Variants in CACNB4 observed in about 807,000 individuals in gnomAD.
The protein encoded by CACNB4 is calcium voltage-gated channel auxiliary subunit beta 4, also known as voltage-dependent L-type calcium channel subunit beta-4.
In CACNB4, 32 loss-of-function variants were observed where a neutral mutation model predicts 71.2. The ratio of observed to expected loss-of-function variants is 0.45; its 90% confidence interval spans 0.34 to 0.60. CACNB4 has a LOEUF of 0.60. Ranked by LOEUF, CACNB4 falls within the 20% of genes least tolerant of loss-of-function variation. CACNB4 has a pLI of 0.01. For synonymous variants in CACNB4, 231 were observed against 236.9 expected (o/e 0.97, Z 0.23); for missense variants, 464 against 647.9 (o/e 0.72, Z 3.08).
At chr2:151,956,370 ATG>A (rs2099868256) in intron 2 of CACNB4, among the ~76,000 whole-genome samples, 1 of 152,244 alleles carries the variant, frequency 6.6e-6, no homozygotes, top group Non-Finnish European at 1.5e-5. Context: ...ATACAAAGAA[ATG>A]AAATGCTGAT....
intron 2 of CACNB4, among the ~76,000 whole-genome samples, chr2:151,923,825 G>T (rs2099859545): frequency 6.6e-6 from 1 of 152,152 alleles, no homozygotes; most frequent in African/African-American, 2.4e-5. Flanking sequence ...AAATGTGGAA[G>T]ACTGGGAAAT....
At chr2:151,985,020 T>C (rs1330552726) in intron 2 of CACNB4, among the ~76,000 whole-genome samples, 1 of 152,210 alleles carries the variant, frequency 6.6e-6, no homozygotes, top group Non-Finnish European at 1.5e-5. Flanking sequence ...CAGCCAATTC[T>C]TCCACAAAAT....
intron 2 of CACNB4, among the ~76,000 whole-genome samples, chr2:152,035,569 TTCTC>T (rs367670764): frequency 1.0e-3 from 78 of 77,872 alleles, no homozygotes; most frequent in Middle Eastern, 0.019. Context: ...CTCTCTCTCT[TTCTC>T]TCTCTCTCTC....
intron 12 of CACNB4, chr2:151,851,874 T>C (rs954437474): frequency 3.9e-5 from 6 of 152,212 alleles, no homozygotes; most frequent in Non-Finnish European, 8.8e-5. Flanking sequence ...AAAGATTATC[T>C]TCCTTCAACT....
At position 151,867,361 on chromosome 2, in the gene CACNB4, A is replaced by T. The variant is rs574928632; in HGVS notation, c.758+1816T>A. On this transcript the variant is annotated intron_variant, in intron 9 of 13. Transcript: ENST00000539935. ...ACCAGCCCTATTAAGTTACAAAGTC[A>T]GAGTTCAGCTATTTTTTTGCAATGC... The T allele has an allele frequency of 2.0e-5, 3 of 152,370 alleles. No individual in the cohort carries two copies. The South Asian group carries it at 6.2e-4, about 32-fold the overall frequency. 9.4% of individuals were successfully genotyped at this position (152,370 alleles called of 1,614,324 possible).
At position 151,874,323 on chromosome 2, in the gene CACNB4, C is replaced by T. The variant is rs142112862; in HGVS notation, c.522-1830G>A. Among the ~76,000 whole-genome samples the T allele has an allele frequency of 3.3e-4, 50 of 152,068 alleles. No homozygotes were observed. In the East Asian group the frequency reaches 8.7e-3, roughly 27 times the overall value. ...CCTCTACCAAAAATACAAAAATTAG[C>T]CAGGCACGATGGTGCGTGCCTGTAA... On this transcript the variant is annotated intron_variant, in intron 5 of 13. Transcript: ENST00000539935.
rs116198962 is a variant in CACNB4 at position 151,842,487 on chromosome 2, C to T, written c.1117-399G>A. Among the ~76,000 whole-genome samples the T allele has an allele frequency of 7.1e-3, 1,086 of 151,894 alleles. 9 individuals are homozygous for T. The highest frequency in any genetic ancestry group is 0.025 in the African/African-American group (1,023 of 41,422). The stretch of plus-strand genomic sequence containing the variant: ...CTGGGATTACAGGCGCCTGCCACTG[C>T]GTCCAGCTAATTTTTTTGTATTTTT... On this transcript the variant is annotated intron_variant, in intron 12 of 13. Transcript: ENST00000539935.
chr2:151,843,490 A>G (rs940337111), intron 12 of CACNB4, among the ~76,000 whole-genome samples: 1 of 151,630 alleles, frequency 6.6e-6, no homozygotes, highest in South Asian at 2.1e-4. Context: ...AACTTTTTTA[A>G]CTTTTTGTAG....
At chr2:152,014,717 C>T (rs1167971615) in intron 2 of CACNB4, among the ~76,000 whole-genome samples, 3 of 147,902 alleles carry the variant, frequency 2.0e-5, no homozygotes, top group Admixed American at 6.7e-5. Context: ...GGTGACAGAG[C>T]GCAACTCTGT....
intron 2 of CACNB4, among the ~76,000 whole-genome samples, chr2:152,004,566 CACAT>C (rs879765088): frequency 2.1e-3 from 297 of 139,204 alleles, no homozygotes; most frequent in Middle Eastern, 3.7e-3. Context: ...CACACACACA[CACAT>C]GCTAACAACC....
In CACNB4 at chr2:152,028,234, G is replaced by T. The variant is rs144500725; in HGVS notation, c.147+70096C>A. On this transcript the variant is annotated intron_variant, in intron 2 of 13. Transcript: ENST00000539935. ...GATGGATACTGAACCAAAGGGTTGT[G>T]GATTTGTTCATGATTACTGCCATCT... Among the ~76,000 whole-genome samples, 993 of 152,252 alleles carry T rather than the reference G, an allele frequency of 6.5e-3. 4 individuals carry two copies. The highest frequency in any genetic ancestry group is 0.01 in the Non-Finnish European group (706 of 68,036).
intron 2 of CACNB4, among the ~76,000 whole-genome samples, chr2:152,041,855 G>C (rs1052896440): frequency 6.6e-6 from 1 of 152,342 alleles, no homozygotes; most frequent in African/African-American, 2.4e-5. Flanking sequence ...AGAAGACCCT[G>C]CGTGAGCACT....
chr2:151,909,384 C>T (rs1324942127), intron 2 of CACNB4, among the ~76,000 whole-genome samples: 1 of 149,478 alleles, frequency 6.7e-6, no homozygotes, highest in Non-Finnish European at 1.5e-5. Flanking sequence ...TGCAGTGAGC[C>T]GAGATCATGC....
At chr2:151,846,704 C>T (rs2099837682) in intron 12 of CACNB4, among the ~76,000 whole-genome samples, 1 of 151,990 alleles carries the variant, frequency 6.6e-6, no homozygotes, top group African/African-American at 2.4e-5. Context: ...AGATATGCAC[C>T]ACCACATCCA....
At chr2:152,041,367 T>C (rs953801341) in intron 2 of CACNB4, among the ~76,000 whole-genome samples, 1 of 152,148 alleles carries the variant, frequency 6.6e-6, no homozygotes, top group Non-Finnish European at 1.5e-5. Context: ...TCAGTACTTA[T>C]GGGAAACATT....
chr2:151,928,335 G>C (rs1369179152), intron 2 of CACNB4, among the ~76,000 whole-genome samples: 1 of 152,152 alleles, frequency 6.6e-6, no homozygotes, highest in Non-Finnish European at 1.5e-5. Context: ...GTAGATACCT[G>C]AATACTAAAT....
At chr2:151,971,650 C>T in intron 2 of CACNB4, 1 of 702,558 alleles carries the variant, frequency 1.4e-6, no homozygotes, top group Non-Finnish European at 2.6e-6. Flanking sequence ...TAGTCTTCTC[C>T]ATTGGCTTGA....
chr2:152,020,671 A>G (rs1321329442), intron 2 of CACNB4, among the ~76,000 whole-genome samples: 2 of 152,184 alleles, frequency 1.3e-5, no homozygotes, highest in African/African-American at 4.8e-5. Context: ...GAGGACAGGG[A>G]AAGACTGAAG....
At chr2:152,013,615 C>A (rs1242911123) in intron 2 of CACNB4, among the ~76,000 whole-genome samples, 1 of 152,122 alleles carries the variant, frequency 6.6e-6, no homozygotes, top group Non-Finnish European at 1.5e-5. Flanking sequence ...AGCACGAGAT[C>A]CTGCACAAAA....
Sources: gnomAD v4.1 joint callset for allele counts (sites outside exome capture counted in the v4.1 genomes callset) on GRCh38, gnomAD v4.1.1 for gene constraint, MANE v1.5 for transcripts, NCBI Gene and HGNC (gene_info 2026-07-23, HGNC 2026-07-21) for gene names.